The following METTL4 variants were observed in gnomAD, a reference collection of about 807,000 sequenced individuals.
The protein encoded by METTL4 is N(6)-adenine-specific methyltransferase METTL4.
In METTL4, 40 loss-of-function variants were observed where a neutral mutation model predicts 54.0. The ratio of observed to expected loss-of-function variants is 0.74; its 90% CI spans 0.58 to 0.96. The LOEUF is 0.96. METTL4 is among the 50% of genes least tolerant of loss of function. The probability of loss-of-function intolerance (pLI) is 0.00; values close to 1 mark genes in which losing one functional copy is unlikely to be tolerated. For missense variants in METTL4, 525 were observed against 549.0 expected, an observed-to-expected ratio of 0.96 and a Z score of 0.44; for synonymous variants, 169 against 183.8, an observed-to-expected ratio of 0.92 and a Z score of 0.65.
chr18:2,554,409 C>A (rs942984814), intron 4 of METTL4: 3 of 363,978 alleles, frequency 8.2e-6, no homozygotes, highest in South Asian at 1.0e-4. Flanking sequence ...CAACTGCATA[C>A]CGAATTCCTA....
chr18:2,538,648 T>C lies in METTL4; in HGVS notation c.*352A>G, dbSNP rs1172736389. ...TTTTTTAGAATAATGGTTCTAAGTGTTTTTTACAACACTGTATGGGTCACA... is the reference window on the plus strand; with the variant it reads ...TTTTTTAGAATAATGGTTCTAAGTGCTTTTTACAACACTGTATGGGTCACA... On this transcript the variant is annotated 3_prime_UTR_variant, in exon 9 of 9. Transcript: ENST00000574538. 1 of 177,532 alleles carries C rather than the reference T, an allele frequency of 5.6e-6. No homozygotes were observed. The highest frequency in any genetic ancestry group is 6.0e-5 in the Admixed American group (1 of 16,608). 11.0% of individuals were successfully genotyped at this position (177,532 alleles called of 1,614,324 possible).
intron 3 of METTL4, among the ~76,000 whole-genome samples, chr18:2,555,833 T>C (rs1361475893): frequency 6.8e-6 from 1 of 147,340 alleles, no homozygotes; most frequent in African/African-American, 2.6e-5. Flanking sequence ...GGTTGGATGG[T>C]TGGTATGTTT....
chr18:2,538,095 A>G lies in METTL4; in HGVS notation c.*905T>C, dbSNP rs534138776. ...AATTTTTAAAAAGTCAATACATAAT[A>G]AATCAATATGCATTTCAAAGAATCA... On this transcript the variant is annotated 3_prime_UTR_variant, in exon 9 of 9. Coordinates refer to ENST00000574538, the MANE Select transcript of METTL4 (RefSeq NM_022840.5). 1.0e-5 allele frequency: 4 copies of G among 395,706 alleles called. No individual in the cohort carries two copies. Among genetic ancestry groups the G allele is most frequent in the African/African-American group, 8.2e-5 (4 of 48,580 alleles). 24.5% of individuals were successfully genotyped at this position (395,706 alleles called of 1,614,324 possible).
chr18:2,540,054 T>C (rs868469566), intron 8 of METTL4: 2 of 977,966 alleles, frequency 2.0e-6, no homozygotes. Context: ...TTCATCATGG[T>C]ACTTCCACAG....
In METTL4 at chr18:2,547,544, A is replaced by G. The variant is rs773736226; in HGVS notation, c.900-15T>C. The stretch of plus-strand genomic sequence containing the variant: ...AATAACTGTACCTAAAAATAAACGG[A>G]AAAAAGGATGAGCAAAATTCACTGC... On this transcript the variant is annotated splice_polypyrimidine_tract_variant and intron_variant, in intron 5 of 8. Coordinates refer to ENST00000574538, the MANE Select transcript of METTL4 (RefSeq NM_022840.5). 1.9e-5 allele frequency: 30 copies of G among 1,542,812 alleles called. No individual in the cohort carries two copies. The highest frequency in any genetic ancestry group is 2.5e-5 in the Non-Finnish European group (28 of 1,142,820).
intron 6 of METTL4, among the ~76,000 whole-genome samples, chr18:2,546,017 T>C (rs2072064555): frequency 1.3e-5 from 2 of 152,236 alleles, no homozygotes; most frequent in Middle Eastern, 3.4e-3. Flanking sequence ...TCCCAGTTTC[T>C]GACTATAAAA....
intron 4 of METTL4, 26 bp from the exon 5 acceptor site, chr18:2,552,790 A>C: frequency 6.8e-7 from 1 of 1,473,444 alleles, no homozygotes; most frequent in South Asian, 1.2e-5. Flanking sequence ...CAATTTCAGA[A>C]AATACCTTCT....
chr18:2,557,387 G>A (rs1489191860), intron 3 of METTL4, among the ~76,000 whole-genome samples: 1 of 152,156 alleles, frequency 6.6e-6, no homozygotes, highest in African/African-American at 2.4e-5. Flanking sequence ...ACTCAGATGG[G>A]AACACCTCAT....
intron 3 of METTL4, chr18:2,561,373 A>G (rs2072314067): frequency 6.6e-6 from 1 of 152,184 alleles, no homozygotes; most frequent in Non-Finnish European, 1.5e-5. Flanking sequence ...AGAAACCTGC[A>G]AGGCCTTTAT....
chr18:2,566,046 C>CAGA (rs1555616202), intron 2 of METTL4, among the ~76,000 whole-genome samples: 1 of 82,874 alleles, frequency 1.2e-5, no homozygotes, highest in Non-Finnish European at 2.6e-5. Flanking sequence ...GACTCTGTCT[C>CAGA]AAATAAATAA....
At chr18:2,551,291 C>G (rs1165565154) in intron 5 of METTL4, among the ~76,000 whole-genome samples, 1 of 151,874 alleles carries the variant, frequency 6.6e-6, no homozygotes, top group Non-Finnish European at 1.5e-5. Flanking sequence ...CTAACTTACC[C>G]TTTCTCTTAA....
At chr18:2,557,097 T>A (rs1253917928) in intron 3 of METTL4, among the ~76,000 whole-genome samples, 1 of 151,912 alleles carries the variant, frequency 6.6e-6, no homozygotes, top group East Asian at 1.9e-4. Context: ...AGGAAGAATC[T>A]GAGCAGAGCC....
intron 5 of METTL4, among the ~76,000 whole-genome samples, chr18:2,548,624 A>AT (rs1185609650): frequency 3.3e-5 from 5 of 152,274 alleles, no homozygotes; most frequent in Admixed American, 2.6e-4. Flanking sequence ...ATCCACTCCA[A>AT]TGCCATAACC....
At chr18:2,558,275 C>A (rs930784740) in intron 3 of METTL4, among the ~76,000 whole-genome samples, 3 of 151,944 alleles carry the variant, frequency 2.0e-5, no homozygotes, top group South Asian at 4.2e-4. Context: ...ATGTTCTATA[C>A]CCCATTGGAT....
chr18:2,539,914 G>A (rs1231001974), intron 8 of METTL4: 1 of 949,534 alleles, frequency 1.1e-6, no homozygotes, highest in Non-Finnish European at 1.2e-6. Context: ...AATAAATGAA[G>A]AGCTGGATAG....
At chr18:2,550,968 T>G (rs1348605390) in intron 5 of METTL4, among the ~76,000 whole-genome samples, 1 of 151,410 alleles carries the variant, frequency 6.6e-6, no homozygotes, top group Non-Finnish European at 1.5e-5. Flanking sequence ...ATCGAGACCA[T>G]CCTGGCTAAC....
Position 2,566,967 on chromosome 18 carries a change from G to C in METTL4, c.250C>G (p.Arg84Gly). 6.2e-7 allele frequency: 1 copy of C among 1,614,072 alleles called. No individual in the cohort carries two copies. Among genetic ancestry groups the C allele is most frequent in the Non-Finnish European group, 8.5e-7 (1 of 1,180,010 alleles). Residue 84 changes from arginine to glycine, a missense_variant, in exon 2 of 9, where the codon CGA (arginine) becomes GGA (glycine). Coordinates refer to ENST00000574538, the MANE Select transcript of METTL4 (RefSeq NM_022840.5). ...AGTTCAGGTCGAAAAACAAATTTTC[G>C]TGTGAACATTTCATAATTTCCTCCA... ...DDGGNYEMFTRKFVFRPELFD... is the reference protein window; with the variant it reads ...DDGGNYEMFTGKFVFRPELFD...
intron 6 of METTL4, among the ~76,000 whole-genome samples, chr18:2,545,705 A>G (rs552297152): frequency 7.9e-5 from 12 of 152,254 alleles, no homozygotes; most frequent in African/African-American, 2.9e-4. Context: ...CAGTAATCAG[A>G]AAGTCTTTTA....
chr18:2,547,174 A>G (rs2143495129), intron 6 of METTL4, among the ~76,000 whole-genome samples, 181 bp downstream of exon 6: 1 of 152,300 alleles, frequency 6.6e-6, no homozygotes, highest in East Asian at 1.9e-4. Context: ...ACAAAAAGAC[A>G]TACAAAAAAA....
Sources: allele counts gnomAD v4.1 joint callset (sites outside exome capture counted in the v4.1 genomes callset), GRCh38; gene constraint gnomAD v4.1.1; transcripts MANE v1.5; gene names NCBI Gene and HGNC (gene_info 2026-07-23, HGNC 2026-07-21).